Variants in ADARB2 observed in about 807,000 individuals in gnomAD.
The protein encoded by ADARB2 is adenosine deaminase RNA specific B2 (inactive), also known as inactive double-stranded RNA-specific editase B2.
In ADARB2, 25 loss-of-function variants were observed where a neutral mutation model predicts 62.2. The observed-to-expected ratio is 0.40, with a 90% CI of 0.29 to 0.56. The LOEUF (loss-of-function observed/expected upper bound fraction) is 0.56, where lower values mean the gene tolerates loss of function less well. ADARB2 is among the 20% of genes least tolerant of loss of function. The pLI, the probability that ADARB2 is intolerant of heterozygous loss-of-function variation, is 0.43. For synonymous variants in ADARB2, 572 were observed against 500.8 expected (o/e 1.14, Z -1.90); for missense variants, 1,071 against 1,077.4 (o/e 0.99, Z 0.08).
chr10:1,211,221 C>T (rs770866451), intron 7 of ADARB2, among the ~76,000 whole-genome samples: 2 of 152,118 alleles, frequency 1.3e-5, no homozygotes, highest in African/African-American at 2.4e-5. Context: ...CTATCATCTA[C>T]CTATCATCTG....
At chr10:1,224,259 T>C (rs574570022) in intron 6 of ADARB2, among the ~76,000 whole-genome samples, 40 of 152,322 alleles carry the variant, frequency 2.6e-4, no homozygotes, top group South Asian at 6.2e-4. Context: ...TTCTGTGGGA[T>C]CGGTGGTGAT....
At position 1,704,360 on chromosome 10, in the gene ADARB2, C is replaced by G. The variant is rs1213167910; in HGVS notation, c.100+32691G>C. ...TTTTCCTGCAACTCGATGGCCCCAC[C>G]TGGGGATGATGGGAGACAGTGACAG... On this transcript the variant is annotated intron_variant, in intron 1 of 9. Coordinates refer to ENST00000381312, the MANE Select transcript of ADARB2 (RefSeq NM_018702.4). The surrounding 1 kb of genome is among the most constrained non-coding windows in gnomAD (Gnocchi z 5.6). 6.6e-6 allele frequency among the ~76,000 whole-genome samples: 1 copy of G among 152,172 alleles called. No homozygotes were observed. Among genetic ancestry groups the G allele is most frequent in the Non-Finnish European group, 1.5e-5 (1 of 68,028 alleles).
At chr10:1,455,217 C>G (rs1831083001) in intron 1 of ADARB2, among the ~76,000 whole-genome samples, 2 of 152,190 alleles carry the variant, frequency 1.3e-5, no homozygotes, top group Admixed American at 1.3e-4. Flanking sequence ...TGTTAAGGAC[C>G]AGATGCTTCC....
At chr10:1,401,258 G>T (rs140957783) in intron 1 of ADARB2, among the ~76,000 whole-genome samples, 2 of 152,212 alleles carry the variant, frequency 1.3e-5, no homozygotes, top group African/African-American at 4.8e-5. Flanking sequence ...TGGTCTGGTC[G>T]TGACTTTCCC....
chr10:1,235,336 G>C (rs1365204589), intron 5 of ADARB2, among the ~76,000 whole-genome samples: 2 of 116,824 alleles, frequency 1.7e-5, no homozygotes, highest in Non-Finnish European at 3.6e-5. Flanking sequence ...AGAGTTCCCA[G>C]CCTCTCTGAT....
intron 3 of ADARB2, among the ~76,000 whole-genome samples, chr10:1,273,685 G>A (rs1024551065): frequency 4.6e-5 from 7 of 152,190 alleles, no homozygotes; most frequent in African/African-American, 7.2e-5. Flanking sequence ...GAGTCCTGGA[G>A]CCCCAACAGG....
intron 1 of ADARB2, among the ~76,000 whole-genome samples, chr10:1,525,202 G>T (rs1410646491): frequency 6.6e-6 from 1 of 152,092 alleles, no homozygotes; most frequent in Non-Finnish European, 1.5e-5. Flanking sequence ...TTGTATGTTT[G>T]GGGGAGGAGG....
chr10:1,185,944 C>T (rs1836751837), intron 8 of ADARB2, among the ~76,000 whole-genome samples: 1 of 152,206 alleles, frequency 6.6e-6, no homozygotes. Context: ...CTAACTGTGG[C>T]CCCAGCCCTG....
chr10:1,735,642 T>C (rs1242694684), intron 1 of ADARB2, among the ~76,000 whole-genome samples: 3 of 152,334 alleles, frequency 2.0e-5, no homozygotes, highest in African/African-American at 7.2e-5. Context: ...AACAGGTCTG[T>C]TTCAAAATGA....
At chr10:1,262,699 C>A (rs1831153827) in intron 4 of ADARB2, among the ~76,000 whole-genome samples, 1 of 152,126 alleles carries the variant, frequency 6.6e-6, no homozygotes, top group Non-Finnish European at 1.5e-5. Flanking sequence ...TAAACTAGTT[C>A]AACCATTGTG....
At chr10:1,603,203 G>A (rs549718491) in intron 1 of ADARB2, among the ~76,000 whole-genome samples, 1 of 152,224 alleles carries the variant, frequency 6.6e-6, no homozygotes, top group Admixed American at 6.5e-5. Context: ...ACATGTGGCC[G>A]GGGTGGAGCT....
intron 1 of ADARB2, among the ~76,000 whole-genome samples, chr10:1,714,150 A>C (rs1027680636): frequency 6.6e-6 from 1 of 152,252 alleles, no homozygotes; most frequent in African/African-American, 2.4e-5. Flanking sequence ...GTTTCTATTT[A>C]AAAATTGACG....
At chr10:1,305,582 T>A (rs1464411272) in intron 3 of ADARB2, among the ~76,000 whole-genome samples, 8 of 152,188 alleles carry the variant, frequency 5.3e-5, no homozygotes, top group African/African-American at 9.6e-5. Flanking sequence ...TACCAAAGCC[T>A]GGCAGAGACA....
At chr10:1,399,608 G>A (rs940412098) in intron 1 of ADARB2, among the ~76,000 whole-genome samples, 2 of 152,176 alleles carry the variant, frequency 1.3e-5, no homozygotes, top group African/African-American at 4.8e-5. Context: ...GGGGGAGTGT[G>A]ACAGATGCTC....
At chr10:1,406,746 G>A (rs999887693) in intron 1 of ADARB2, among the ~76,000 whole-genome samples, 1 of 152,180 alleles carries the variant, frequency 6.6e-6, no homozygotes, top group South Asian at 2.1e-4. Flanking sequence ...CTGCCCACGG[G>A]TTCGATGACA....
At chr10:1,629,262 GGC>G (rs1364607542) in intron 1 of ADARB2, among the ~76,000 whole-genome samples, 1 of 152,200 alleles carries the variant, frequency 6.6e-6, no homozygotes, top group Admixed American at 6.5e-5. Context: ...GATGAGCCAG[GGC>G]ACAGTTTCTA....
At chr10:1,550,252 G>A (rs999412518) in intron 1 of ADARB2, among the ~76,000 whole-genome samples, 3 of 152,154 alleles carry the variant, frequency 2.0e-5, no homozygotes, top group Admixed American at 6.5e-5. Context: ...GCCTCTGATC[G>A]AATTTTTAAG....
At chr10:1,675,568 T>C (rs2119110696) in intron 1 of ADARB2, among the ~76,000 whole-genome samples, 1 of 151,106 alleles carries the variant, frequency 6.6e-6, no homozygotes, top group South Asian at 2.1e-4. Context: ...TTCTGGAGGT[T>C]TGGGTTCAGG....
At chr10:1,231,828 AAGG>A (rs1419921595) in intron 6 of ADARB2, among the ~76,000 whole-genome samples, 1 of 152,128 alleles carries the variant, frequency 6.6e-6, no homozygotes, top group Non-Finnish European at 1.5e-5. Flanking sequence ...AGTCCGCAAA[AAGG>A]AGGAGGAATG....
Sources: gnomAD v4.1 joint callset for allele counts (sites outside exome capture counted in the v4.1 genomes callset) on GRCh38, gnomAD v4.1.1 for gene constraint, Gnocchi (gnomAD v3.1) non-coding constraint, MANE v1.5 for transcripts, NCBI Gene and HGNC (gene_info 2026-07-23, HGNC 2026-07-21) for gene names.